DIAPH1: variants seen among roughly 807,000 people sequenced by gnomAD.
DIAPH1 encodes the protein diaphanous related formin 1.
A neutral mutation model predicts 140.7 loss-of-function variants in DIAPH1; 46 were observed. The observed-to-expected ratio is 0.33, with a 90% CI of 0.26 to 0.42. The LOEUF (loss-of-function observed/expected upper bound fraction) is 0.42, where lower values mean the gene tolerates loss of function less well. DIAPH1 is among the 10% of genes least tolerant of loss of function. The probability of loss-of-function intolerance (pLI) is 1.00; values close to 1 mark genes in which losing one functional copy is unlikely to be tolerated. For missense variants in DIAPH1, 1,310 were observed against 1,558.7 expected (o/e 0.84, Z 2.69); for synonymous variants, 565 against 551.6 (o/e 1.02, Z -0.34).
chr5:141,579,608 T>A (rs2099896448), intron 8 of DIAPH1, among the ~76,000 whole-genome samples: 1 of 152,138 alleles, frequency 6.6e-6, no homozygotes, highest in Non-Finnish European at 1.5e-5. Flanking sequence ...GCAGTATCAT[T>A]TGTAAAAATG....
At chr5:141,578,192 C>T in intron 11 of DIAPH1, 33 bp downstream of exon 11, 2 of 1,473,568 alleles carry the variant, frequency 1.4e-6, no homozygotes, top group Non-Finnish European at 1.9e-6. Context: ...ATGAATGTCT[C>T]ATCTGCCTTG....
chr5:141,531,305 C>T (rs1053602802), intron 19 of DIAPH1, among the ~76,000 whole-genome samples: 17 of 151,716 alleles, frequency 1.1e-4, no homozygotes, highest in African/African-American at 4.1e-4. Flanking sequence ...TACCTTCTCT[C>T]TCTCTCTCTC....
chr5:141,576,757 A>G lies in DIAPH1; in HGVS notation c.1395T>C (p.Ile465=), dbSNP rs766735821. The G allele has an allele frequency of 6.3e-7, 1 of 1,594,184 alleles. No homozygotes were observed. Among genetic ancestry groups the G allele is most frequent in the Non-Finnish European group, 8.6e-7 (1 of 1,161,886 alleles). Reference sequence around the variant, plus strand: ...AGCCAGATAGAAGAGTATGCTTACCAATTAATCCCTCAATCTCAATCTGGA... The same window carrying G: ...AGCCAGATAGAAGAGTATGCTTACCGATTAATCCCTCAATCTCAATCTGGA... ...RHLQIEIEGL[I]DQMIDKTKVE... Residue 465 remains isoleucine (I), a splice_region_variant and synonymous_variant, in exon 13 of 28, where the codon ATT becomes ATC. Transcript: ENST00000389054.
chr5:141,560,845 G>C, intron 18 of DIAPH1: 2 of 456,184 alleles, frequency 4.4e-6, no homozygotes, highest in South Asian at 3.1e-5. Flanking sequence ...CCCAGCCTGA[G>C]CCTGCAGAGA....
intron 1 of DIAPH1, among the ~76,000 whole-genome samples, chr5:141,603,226 C>T (rs924589838): frequency 3.9e-5 from 6 of 152,188 alleles, no homozygotes; most frequent in Non-Finnish European, 7.3e-5. Context: ...CCATTTGGTT[C>T]AGAGTGCCTC....
chr5:141,538,306 C>T lies in DIAPH1; in HGVS notation c.2483-3873G>A, dbSNP rs542605425. ...CAATCTCCTGACCTCGTGATCTGCC[C>T]GCCTCGGCCTCCCAAAGAGCTGGGA... On this transcript the variant is annotated intron_variant, in intron 18 of 27. Transcript: ENST00000389054. Among the ~76,000 whole-genome samples the T allele has an allele frequency of 3.0e-4, 45 of 151,928 alleles. 1 individual carries two copies. The South Asian group carries it at 6.2e-3, about 21-fold the overall frequency.
chr5:141,553,139 A>C (rs1451299776), intron 18 of DIAPH1, among the ~76,000 whole-genome samples: 1 of 152,192 alleles, frequency 6.6e-6, no homozygotes, highest in Non-Finnish European at 1.5e-5. Flanking sequence ...TAAAGATACA[A>C]AAATTAGCTG....
chr5:141,589,127 T>C (rs2099897981), intron 1 of DIAPH1: 1 of 155,856 alleles, frequency 6.4e-6, no homozygotes, highest in South Asian at 1.9e-4. Context: ...TCAAAAGGAG[T>C]CCACTCTTCA....
chr5:141,529,348 T>G (rs1206736913), intron 20 of DIAPH1, 75 bp from the exon 21 acceptor site: 49 of 1,180,986 alleles, frequency 4.1e-5, no homozygotes, highest in Non-Finnish European at 5.8e-5. Context: ...TTTACTCTGT[T>G]GTCAGTCCCA....
At chr5:141,575,331 A>G (rs909688583) in intron 14 of DIAPH1, among the ~76,000 whole-genome samples, 185 bp from the exon 15 acceptor site, 1 of 152,172 alleles carries the variant, frequency 6.6e-6, no homozygotes, top group Admixed American at 6.5e-5. Context: ...CTCGGGGGAA[A>G]AAAGCACCAT....
At chr5:141,524,104 C>T (rs1562280121) in intron 27 of DIAPH1, 39 bp downstream of exon 27, 1 of 1,576,260 alleles carries the variant, frequency 6.3e-7, no homozygotes, top group Non-Finnish European at 8.7e-7. Flanking sequence ...AGCCCTCACC[C>T]CCTTCGACAC....
chr5:141,605,083 T>A (rs1365044333), intron 1 of DIAPH1, among the ~76,000 whole-genome samples: 2 of 152,166 alleles, frequency 1.3e-5, no homozygotes, highest in Non-Finnish European at 2.9e-5. Context: ...TTCTCTTTGG[T>A]TCTAACCATT....
At chr5:141,519,096 C>A (rs1478596928) in intron 27 of DIAPH1, 19 of 1,102,082 alleles carry the variant, frequency 1.7e-5, no homozygotes, top group Non-Finnish European at 2.4e-5. Context: ...GGGATTTTCA[C>A]AAAACCATTT....
In DIAPH1 at chr5:141,529,180, CA is replaced by C. The variant is rs863225242; in HGVS notation, c.2769del (p.Phe923LeufsTer4). On this transcript the variant is annotated frameshift_variant, in exon 21 of 28. Coordinates refer to ENST00000389054, the MANE Select transcript of DIAPH1 (RefSeq NM_005219.5). LOFTEE classifies it high-confidence loss of function. ...EYDDLAESEQ[F>X]GVVMGTVPRL... ...CCACAGGCCTCACTCACCACCACGC[CA>C]AACTGCTCTGACTCAGCCAGGTCAT... 6.2e-7 allele frequency: 1 copy of C among 1,614,150 alleles called. No homozygotes were observed. The highest frequency in any genetic ancestry group is 8.5e-7 in the Non-Finnish European group (1 of 1,179,990).
At chr5:141,591,919 T>C (rs1323953408) in intron 1 of DIAPH1, among the ~76,000 whole-genome samples, 2 of 149,414 alleles carry the variant, frequency 1.3e-5, no homozygotes, top group Non-Finnish European at 3.0e-5. Context: ...CCATCACTAC[T>C]AAAAATACAA....
rs758562288 is a variant in DIAPH1, at chr5:141,575,096, CT to C, written c.1511del (p.Lys504ArgfsTer48). The C allele has an allele frequency of 3.1e-6, 5 of 1,614,240 alleles. No homozygotes were observed. Among genetic ancestry groups the C allele is most frequent in the Non-Finnish European group, 4.2e-6 (5 of 1,180,046 alleles). On this transcript the variant is annotated frameshift_variant, in exon 15 of 28. Coordinates refer to ENST00000389054, the MANE Select transcript of DIAPH1 (RefSeq NM_005219.5). LOFTEE classifies it high-confidence loss of function. ...ARHELQVEMK[K>X]MESDFEQKLQ... The stretch of plus-strand genomic sequence containing the variant: ...GCTTCTGCTCAAAGTCACTTTCCAT[CT>C]TTTTCATTTCCACCTGTAGCTCATG...
At chr5:141,535,922 C>A (rs1301419594) in intron 18 of DIAPH1, 1 of 406,072 alleles carries the variant, frequency 2.5e-6, no homozygotes, top group Non-Finnish European at 5.2e-6. Flanking sequence ...GAATTTTAAA[C>A]CACATGAAAA....
intron 9 of DIAPH1, 85 bp from the exon 10 acceptor site, chr5:141,578,710 C>A (rs1256753704): frequency 1.3e-5 from 13 of 982,470 alleles, no homozygotes; most frequent in Middle Eastern, 3.1e-4. Flanking sequence ...TCTTAGGTCC[C>A]CAATACAACC....
At chr5:141,588,278 G>A (rs1489057687) in intron 1 of DIAPH1, 28 bp from the exon 2 acceptor site, 1 of 1,587,540 alleles carries the variant, frequency 6.3e-7, no homozygotes, top group Non-Finnish European at 8.6e-7. Flanking sequence ...GGAGGGAGAA[G>A]AAAGAAGAGA....
Sources: gnomAD v4.1 joint callset for allele counts (sites outside exome capture counted in the v4.1 genomes callset) on GRCh38, gnomAD v4.1.1 for gene constraint, MANE v1.5 for transcripts, NCBI Gene and HGNC (gene_info 2026-07-23, HGNC 2026-07-21) for gene names.